LAIR1: variants seen among roughly 807,000 people sequenced by gnomAD.
The protein encoded by LAIR1 is leukocyte-associated immunoglobulin-like receptor 1.
In LAIR1, 24 loss-of-function variants were observed where a neutral mutation model predicts 32.8. The ratio of observed to expected loss-of-function variants is 0.73; its 90% CI spans 0.53 to 1.03. The LOEUF (loss-of-function observed/expected upper bound fraction) is 1.03, where lower values mean the gene tolerates loss of function less well. LAIR1 is among the 50% of genes least tolerant of loss of function. The probability of loss-of-function intolerance (pLI) is 0.00; values close to 1 mark genes in which losing one functional copy is unlikely to be tolerated. For missense variants in LAIR1, 355 were observed against 347.5 expected (o/e 1.02, Z -0.17); for synonymous variants, 150 against 140.5 (o/e 1.07, Z -0.48).
intron 2 of LAIR1, 111 bp from the exon 3 acceptor site, chr19:54,361,320 C>G: frequency 8.6e-7 from 1 of 1,165,244 alleles, no homozygotes; most frequent in Non-Finnish European, 1.2e-6. Flanking sequence ...TAGAGTTATG[C>G]AGCCATGACC....
rs1318329671 is a variant in LAIR1, at chr19:54,362,880, G to A, written c.70+1415C>T. Among the ~76,000 whole-genome samples, 10 of 152,182 alleles carry A rather than the reference G, an allele frequency of 6.6e-5. No individual in the cohort carries two copies. The East Asian group carries it at 1.7e-3, about 26-fold the overall frequency. On this transcript the variant is annotated intron_variant, in intron 2 of 9. Transcript: ENST00000391742. ...CGGCATATGGAGTGTTTGAGAAAGC[G>A]AAAGAACCTGGAGGAATGTAGAGAT...
Position 54,356,344 on chromosome 19 carries a change from C to T in LAIR1, c.626+12G>A, listed in dbSNP as rs896671269. The T allele has an allele frequency of 1.3e-6, 2 of 1,596,608 alleles. No individual in the cohort carries two copies. Among genetic ancestry groups the T allele is most frequent in the African/African-American group, 1.3e-5 (1 of 74,424 alleles). On this transcript the variant is annotated intron_variant, in intron 7 of 9. Transcript: ENST00000391742. ...TGGGTGGAGGTCCAGGAGTCATTCC[C>T]AGGGGCCTCACCTCTGCTGTGGCTT...
chr19:54,362,927 G>C (rs569507410), intron 2 of LAIR1, among the ~76,000 whole-genome samples: 1 of 152,046 alleles, frequency 6.6e-6, no homozygotes, highest in African/African-American at 2.4e-5. Context: ...AGGTCACAGG[G>C]ACAGGATGTG....
upstream of LAIR1, among the ~76,000 whole-genome samples, chr19:54,366,660 T>C (rs2122613598): frequency 6.6e-6 from 1 of 152,178 alleles, no homozygotes; most frequent in East Asian, 1.9e-4. Flanking sequence ...GGCTAATTTT[T>C]TGTATTTTTA....
chr19:54,373,238 C>G (rs928277343), upstream of LAIR1, among the ~76,000 whole-genome samples: 13 of 151,078 alleles, frequency 8.6e-5, no homozygotes, highest in East Asian at 9.8e-4. Context: ...GTCAGGTGAT[C>G]GAGACCATCC....
In LAIR1 at chr19:54,353,217, CAGAA is replaced by C. The variant is rs1181790963; in HGVS notation, c.*2047_*2050del. ...AGAGACACACAGTGAGAGAGAAAGA[CAGAA>C]AGAGAGACAGGGACAGAGACAGACA... On this transcript the variant is annotated 3_prime_UTR_variant, in exon 10 of 10. Coordinates refer to ENST00000391742, the MANE Select transcript of LAIR1 (RefSeq NM_002287.6). 2 of 151,082 alleles carry C rather than the reference CAGAA, an allele frequency of 1.3e-5. No individual in the cohort carries two copies. The highest frequency in any genetic ancestry group is 2.9e-5 in the Non-Finnish European group (2 of 67,894). 9.4% of individuals were successfully genotyped at this position (151,082 alleles called of 1,614,324 possible). A position where few individuals can be genotyped will look rare whatever the true frequency, so the allele number is the denominator to read the frequency against.
chr19:54,373,038 A>G (rs2082442526), upstream of LAIR1, among the ~76,000 whole-genome samples: 1 of 149,532 alleles, frequency 6.7e-6, no homozygotes, highest in African/African-American at 2.5e-5. Flanking sequence ...GCTGAGAGGC[A>G]GGAGAATTGC....
chr19:54,373,987 T>C (rs1263036145), upstream of LAIR1, among the ~76,000 whole-genome samples: 1 of 152,110 alleles, frequency 6.6e-6, no homozygotes. Flanking sequence ...AATAGTGTTA[T>C]GAACAGTCAC....
chr19:54,375,827 G>T, the LAIR1 span, among the ~76,000 whole-genome samples: 1 of 151,848 alleles, frequency 6.6e-6, no homozygotes, highest in Non-Finnish European at 1.5e-5. Context: ...GTCTAATGTG[G>T]AGGGCACACC....
chr19:54,364,806 G>A lies in LAIR1; in HGVS notation c.-2C>T, dbSNP rs1025228376. 1.9e-6 allele frequency: 3 copies of A among 1,613,984 alleles called. No individual in the cohort carries two copies. The highest frequency in any genetic ancestry group is 1.1e-5 in the South Asian group (1 of 91,082). On this transcript the variant is annotated 5_prime_UTR_variant, in exon 1 of 10. Coordinates refer to ENST00000391742, the MANE Select transcript of LAIR1 (RefSeq NM_002287.6). The surrounding 1 kb of genome is among the most constrained non-coding windows in gnomAD (Gnocchi z 4.8). ...GAGGGCGGTGGGGTGGGGAGACATG[G>A]CCCAGGTCCCAGCAGTGCAGCCTGG...
At chr19:54,357,326 C>T (rs2081769234) in intron 4 of LAIR1, 2 of 221,614 alleles carry the variant, frequency 9.0e-6, no homozygotes, top group South Asian at 1.3e-4. Flanking sequence ...TAGTAGACAT[C>T]GCTAATTTCT....
At chr19:54,363,751 A>G (rs2082131627) in intron 2 of LAIR1, among the ~76,000 whole-genome samples, 2 of 152,206 alleles carry the variant, frequency 1.3e-5, no homozygotes, top group African/African-American at 4.8e-5. Flanking sequence ...AGAAAAGTTG[A>G]TCACCCGGAA....
chr19:54,370,056 C>T (rs1315089129), intron 1 of LAIR1, among the ~76,000 whole-genome samples: 1 of 147,562 alleles, frequency 6.8e-6, no homozygotes, highest in African/African-American at 2.6e-5. Context: ...TGGCTTGGCT[C>T]GGCCAAAGGG....
chr19:54,356,852 A>G (rs1177678724), intron 5 of LAIR1, 76 bp downstream of exon 5: 5 of 1,562,668 alleles, frequency 3.2e-6, no homozygotes, highest in Non-Finnish European at 4.4e-6. Flanking sequence ...AATCTGATCA[A>G]CCCCAAAGCC....
rs2081717678 is a variant in LAIR1, at chr19:54,356,518, G to C, written c.556C>G (p.Leu186Val). 4 of 1,613,878 alleles carry C rather than the reference G, an allele frequency of 2.5e-6. No homozygotes were observed. Among genetic ancestry groups the C allele is most frequent in the Non-Finnish European group, 3.4e-6 (4 of 1,180,006 alleles). The change falls in exon 6 of 10, where the codon CTC (leucine) becomes GTC (valine). Residue 186 changes from leucine to valine, a missense_variant. Physicochemically the swap from Leu to Val is conservative, Grantham distance 32. Coordinates refer to ENST00000391742, the MANE Select transcript of LAIR1 (RefSeq NM_002287.6). ...TGCTTTATCTGATTCTGGCGATGGAGGCAGAAGAGGACCAGGAGGAGGAGA... is the reference window on the plus strand; with the variant it reads ...TGCTTTATCTGATTCTGGCGATGGACGCAGAAGAGGACCAGGAGGAGGAGA... Reference protein sequence around the residue: ...FCLLLLVLFCLHRQNQIKQGP... With the variant: ...FCLLLLVLFCVHRQNQIKQGP...
chr19:54,355,459 G>A lies in LAIR1; in HGVS notation c.718-45C>T. ...GGTGAGGGAGTGCCTGGTGGAGGGT[G>A]AGACGAGGGGCTGTGGGGAGGGAGG... On this transcript the variant is annotated intron_variant, in intron 9 of 9. Transcript: ENST00000391742. This position sits in a 1 kb window ranked among gnomAD's most constrained non-coding sequence, Gnocchi z 4.7. The A allele has an allele frequency of 6.5e-7, 1 of 1,537,244 alleles. No homozygotes were observed. The highest frequency in any genetic ancestry group is 8.8e-7 in the Non-Finnish European group (1 of 1,140,182).
chr19:54,355,547 C>T lies in LAIR1; in HGVS notation c.718-133G>A. ...TCCTAAATTGCATCCGTGTGAAGAG[C>T]CCTCCCACAGGGTATTGGGGTTGGT... is the stretch of plus-strand genomic sequence containing the variant. On this transcript the variant is annotated intron_variant, in intron 9 of 9. Transcript: ENST00000391742. The surrounding 1 kb of genome is among the most constrained non-coding windows in gnomAD (Gnocchi z 4.7). The T allele has an allele frequency of 1.4e-6, 1 of 739,000 alleles. No homozygotes were observed. 45.8% of individuals were successfully genotyped at this position (739,000 alleles called of 1,614,324 possible).
At chr19:54,376,038 C>T in the LAIR1 span, among the ~76,000 whole-genome samples, 2 of 150,612 alleles carry the variant, frequency 1.3e-5, no homozygotes, top group Non-Finnish European at 3.0e-5. Context: ...GTCCAACCTC[C>T]CCTAGAACCT....
intron 4 of LAIR1, chr19:54,358,731 C>G: frequency 1.4e-6 from 1 of 691,432 alleles, no homozygotes; most frequent in Non-Finnish European, 2.3e-6. Flanking sequence ...TCAAGTCTGC[C>G]CTAAACGATT....
Sources: gnomAD v4.1 joint callset for allele counts (sites outside exome capture counted in the v4.1 genomes callset) on GRCh38, gnomAD v4.1.1 for gene constraint, Gnocchi (gnomAD v3.1) non-coding constraint, MANE v1.5 for transcripts, NCBI Gene and HGNC (gene_info 2026-07-23, HGNC 2026-07-21) for gene names.